Variants in HIP1 observed in about 807,000 individuals in gnomAD.
HIP1 encodes huntingtin-interacting protein 1.
A neutral mutation model predicts 147.6 loss-of-function variants in HIP1; 65 were observed. That is an observed-to-expected ratio of 0.44 (90% CI 0.36 to 0.54). The LOEUF (loss-of-function observed/expected upper bound fraction) is 0.54, where lower values mean the gene tolerates loss of function less well. HIP1 is among the 20% of genes least tolerant of loss of function. The pLI is 0.00. For missense variants in HIP1, 1,061 were observed against 1,299.6 expected (o/e 0.82, Z 2.82); for synonymous variants, 479 against 504.0 (o/e 0.95, Z 0.67).
chr7:75,540,963 A>C (rs587766024), intron 29 of HIP1, among the ~76,000 whole-genome samples: 1 of 152,156 alleles, frequency 6.6e-6, no homozygotes, highest in Non-Finnish European at 1.5e-5. Flanking sequence ...ATAGTGGGCA[A>C]GAGTTAAGAG....
intron 14 of HIP1, among the ~76,000 whole-genome samples, chr7:75,559,063 C>A (rs1450308699): frequency 1.3e-5 from 2 of 152,170 alleles, no homozygotes; most frequent in Non-Finnish European, 2.9e-5. Flanking sequence ...ATTCATGCCT[C>A]TTCAGCACTT....
intron 1 of HIP1, among the ~76,000 whole-genome samples, chr7:75,634,651 T>G (rs1554509380): frequency 6.6e-6 from 1 of 151,888 alleles, no homozygotes; most frequent in African/African-American, 2.4e-5. Flanking sequence ...ATAGGCCAGG[T>G]GTGGTGGCTC....
At chr7:75,600,084 C>A (rs587598849) in intron 1 of HIP1, among the ~76,000 whole-genome samples, 1 of 151,256 alleles carries the variant, frequency 6.6e-6, no homozygotes, top group Admixed American at 6.6e-5. Flanking sequence ...AGGTGATTTG[C>A]GAACCCCAAA....
At chr7:75,599,594 A>G (rs1459635614) in intron 1 of HIP1, among the ~76,000 whole-genome samples, 1 of 152,118 alleles carries the variant, frequency 6.6e-6, no homozygotes, top group Non-Finnish European at 1.5e-5. Context: ...TTTCTCCCGG[A>G]GCAGGAGGAA....
intron 25 of HIP1, among the ~76,000 whole-genome samples, chr7:75,546,439 G>A (rs891731700): frequency 1.7e-4 from 26 of 152,144 alleles, no homozygotes; most frequent in African/African-American, 5.3e-4. Flanking sequence ...GAGCTGCGGC[G>A]GCATATGGGG....
chr7:75,580,311 G>A (rs1795991140), intron 7 of HIP1, among the ~76,000 whole-genome samples: 1 of 152,216 alleles, frequency 6.6e-6, no homozygotes. Flanking sequence ...CCAGGGCCAT[G>A]GCTACAGTCC....
intron 1 of HIP1, among the ~76,000 whole-genome samples, chr7:75,731,978 A>C (rs1342290819): frequency 1.3e-5 from 2 of 152,200 alleles, no homozygotes; most frequent in African/African-American, 4.8e-5. Flanking sequence ...AGGGTTGAGA[A>C]CCGCAGATCC....
rs782308872 is a variant in HIP1, at chr7:75,544,803, G to A, written c.2661-3C>T. 1 of 1,579,226 alleles carries A rather than the reference G, an allele frequency of 6.3e-7. No homozygotes were observed. Among genetic ancestry groups the A allele is most frequent in the South Asian group, 1.1e-5 (1 of 90,330 alleles). On this transcript the variant is annotated splice_polypyrimidine_tract_variant and splice_region_variant and intron_variant, in intron 26 of 30. Coordinates refer to ENST00000336926, the MANE Select transcript of HIP1 (RefSeq NM_005338.7). ...GTACCACCAGATCAGCTGCATCCCT[G>A]ATGGAAAACGACAAGAGGGACTAGG...
chr7:75,653,377 G>T (rs1799051581), intron 1 of HIP1, among the ~76,000 whole-genome samples: 1 of 152,138 alleles, frequency 6.6e-6, no homozygotes, highest in Admixed American at 6.6e-5. Context: ...TATAGACTAG[G>T]CATGGTGGCT....
intron 28 of HIP1, among the ~76,000 whole-genome samples, chr7:75,542,346 A>ACTC (rs1794355134): frequency 2.0e-5 from 3 of 151,992 alleles, no homozygotes; most frequent in Admixed American, 2.0e-4. Flanking sequence ...CAGTGAGCCA[A>ACTC]GATTGCGCCA....
chr7:75,608,839 G>A (rs1335855441), intron 1 of HIP1, among the ~76,000 whole-genome samples: 3 of 152,278 alleles, frequency 2.0e-5, no homozygotes, highest in South Asian at 2.1e-4. Context: ...ACTCTGAAAC[G>A]GCTGATCAGA....
intron 1 of HIP1, among the ~76,000 whole-genome samples, chr7:75,714,022 T>C (rs536359600): frequency 8.5e-4 from 129 of 151,510 alleles, no homozygotes; most frequent in African/African-American, 3.1e-3. Context: ...TAACATTTTA[T>C]TTTATTTCAT....
intron 5 of HIP1, 125 bp from the exon 6 acceptor site, chr7:75,582,276 G>C: frequency 1.4e-6 from 1 of 701,330 alleles, no homozygotes; most frequent in Non-Finnish European, 2.5e-6. Flanking sequence ...GATTGCTTGA[G>C]CCCGGGAGTT....
intron 7 of HIP1, among the ~76,000 whole-genome samples, chr7:75,578,955 A>G (rs1413566120): frequency 6.6e-6 from 1 of 151,844 alleles, no homozygotes; most frequent in East Asian, 1.9e-4. Flanking sequence ...AGCTGGGATT[A>G]CAGGCACACA....
chr7:75,679,238 C>T (rs1554516506), intron 1 of HIP1, among the ~76,000 whole-genome samples: 3 of 152,280 alleles, frequency 2.0e-5, no homozygotes, highest in African/African-American at 7.2e-5. Context: ...GAGGTCTCGC[C>T]GTATCACTCA....
chr7:75,549,026 A>C, intron 22 of HIP1, 25 bp from the exon 23 acceptor site: 1 of 1,539,720 alleles, frequency 6.5e-7, no homozygotes, highest in South Asian at 1.1e-5. Flanking sequence ...CAAAGGCTGA[A>C]CTGACCTTGG....
chr7:75,603,343 CA>C lies in HIP1; in HGVS notation c.121-4097del, dbSNP rs10546584. 1.0e-2 allele frequency among the ~76,000 whole-genome samples: 1,269 copies of C among 127,462 alleles called. 10 individuals are homozygous for C. Among genetic ancestry groups the C allele is most frequent in the East Asian group, 0.031 (112 of 3,620 alleles). The allele number at this position is 127,462 out of a possible 152,430, so 83.6% of individuals were successfully genotyped here. A position where few individuals can be genotyped will look rare whatever the true frequency, so the allele number is the denominator to read the frequency against. On this transcript the variant is annotated intron_variant, in intron 1 of 30. Transcript: ENST00000336926. ...AGCCTGGGTGACAGAGCGAGACTCT[CA>C]AAAAAAAAAAAAAAAATGGAGCCTT...
At chr7:75,561,494 T>G in intron 12 of HIP1, 93 bp from the exon 13 acceptor site, 1 of 834,056 alleles carries the variant, frequency 1.2e-6, no homozygotes, top group Non-Finnish European at 2.1e-6. Flanking sequence ...AAAGCTGGTA[T>G]TAATTTGGGG....
intron 1 of HIP1, among the ~76,000 whole-genome samples, chr7:75,709,645 T>A (rs1801107513): frequency 6.6e-6 from 1 of 152,174 alleles, no homozygotes; most frequent in African/African-American, 2.4e-5. Context: ...ATTTTACCTC[T>A]TCCTTTCCAA....
Sources: allele counts gnomAD v4.1 joint callset (sites outside exome capture counted in the v4.1 genomes callset), GRCh38; gene constraint gnomAD v4.1.1; transcripts MANE v1.5; gene names NCBI Gene and HGNC (gene_info 2026-07-23, HGNC 2026-07-21).